The following FRMD4A variants were observed in gnomAD, a reference collection of about 807,000 sequenced individuals.
FRMD4A encodes FERM domain containing 4A.
Under a neutral mutation model 129.1 loss-of-function variants are expected in FRMD4A, and 29 were observed. The ratio of observed to expected loss-of-function variants is 0.22; its 90% confidence interval spans 0.17 to 0.31. The LOEUF is 0.31. Among genes scored for constraint, FRMD4A ranks in the 10% least tolerant of loss-of-function variants. FRMD4A has a pLI of 1.00. For missense variants in FRMD4A, 1,272 were observed against 1,375.8 expected (o/e 0.92, Z 1.19); for synonymous variants, 634 against 571.6 (o/e 1.11, Z -1.56).
At chr10:13,812,573 G>A (rs1260150486) in intron 3 of FRMD4A, among the ~76,000 whole-genome samples, 1 of 152,224 alleles carries the variant, frequency 6.6e-6, no homozygotes, top group African/African-American at 2.4e-5. Context: ...CAGGCCCATA[G>A]GGACCTTAGA....
At chr10:13,967,718 T>C (rs1003309494) in intron 2 of FRMD4A, among the ~76,000 whole-genome samples, 5 of 152,196 alleles carry the variant, frequency 3.3e-5, no homozygotes, top group South Asian at 2.1e-4. Context: ...CTGTCATTAG[T>C]TCCTGCTAAT....
At chr10:14,167,538 C>CAAAAAAA (rs59290414) in intron 2 of FRMD4A, among the ~76,000 whole-genome samples, 2 of 57,580 alleles carry the variant, frequency 3.5e-5, no homozygotes, top group African/African-American at 7.5e-5. Flanking sequence ...CTCCGTCTCT[C>CAAAAAAA]AAAAAAAAAA....
rs1565204509 is a variant in FRMD4A, at chr10:14,039,395, C to CTATCT, written c.46-180484_46-180483insAGATA. Reference sequence around the variant, plus strand: ...CCATCCATCCATCCATCCATCCATCCATCCATCCATCCATCTATCTATCTA... The same window carrying CTATCT: ...CCATCCATCCATCCATCCATCCATCCTATCTATCCATCCATCCATCTATCTATCTA... On this transcript the variant is annotated intron_variant, in intron 2 of 24. Transcript: ENST00000357447. Among the ~76,000 whole-genome samples the CTATCT allele has an allele frequency of 6.0e-4, 84 of 140,890 alleles. No individual in the cohort carries two copies. The East Asian group carries it at 9.3e-3, about 16-fold the overall frequency. 92.4% of individuals were successfully genotyped at this position (140,890 alleles called of 152,430 possible).
chr10:13,911,881 A>G (rs2094944798), intron 2 of FRMD4A, among the ~76,000 whole-genome samples: 1 of 152,150 alleles, frequency 6.6e-6, no homozygotes, highest in African/African-American at 2.4e-5. Context: ...CTCTTTAGTG[A>G]TTCTGCTGGA....
chr10:14,098,373 A>G (rs1413130460), intron 2 of FRMD4A, among the ~76,000 whole-genome samples: 1 of 151,006 alleles, frequency 6.6e-6, no homozygotes, highest in Non-Finnish European at 1.5e-5. Flanking sequence ...TAAAGGAAAT[A>G]CTTCTGAATA....
At chr10:14,035,320 G>A (rs1833445780) in intron 2 of FRMD4A, among the ~76,000 whole-genome samples, 2 of 151,784 alleles carry the variant, frequency 1.3e-5, no homozygotes, top group African/African-American at 2.4e-5. Context: ...GCTGAGGCGG[G>A]AGGACTGCAT....
intron 2 of FRMD4A, chr10:14,326,944 T>C: frequency 2.5e-6 from 1 of 398,674 alleles, no homozygotes; most frequent in East Asian, 3.6e-5. Context: ...GTGTCTTCTC[T>C]CCAAGTCCCC....
intron 2 of FRMD4A, among the ~76,000 whole-genome samples, chr10:14,066,675 A>G (rs1297557332): frequency 2.0e-5 from 3 of 152,330 alleles, no homozygotes; most frequent in East Asian, 1.9e-4. Context: ...CCAAAGGACT[A>G]AGAAGGTCAA....
chr10:14,074,261 T>G (rs1290758049), intron 2 of FRMD4A: 2 of 152,178 alleles, frequency 1.3e-5, no homozygotes, highest in Admixed American at 6.6e-5. Context: ...GGGAGGGGGA[T>G]GTATGCTCCA....
intron 2 of FRMD4A, among the ~76,000 whole-genome samples, chr10:13,912,987 C>A (rs1364686606): frequency 4.0e-5 from 6 of 151,382 alleles, no homozygotes; most frequent in Non-Finnish European, 8.8e-5. Context: ...GCAGGAGAAC[C>A]TCTTGAACTC....
At chr10:13,648,446 C>T (rs1401156861) in intron 24 of FRMD4A, among the ~76,000 whole-genome samples, 3 of 152,164 alleles carry the variant, frequency 2.0e-5, no homozygotes, top group African/African-American at 4.8e-5. Context: ...CCTAACTCCA[C>T]GTGGTCCTGG....
chr10:13,960,187 T>G (rs1366491187), intron 2 of FRMD4A, among the ~76,000 whole-genome samples: 2 of 152,220 alleles, frequency 1.3e-5, no homozygotes, highest in Non-Finnish European at 2.9e-5. Context: ...CCTGGAATCT[T>G]TGGCGGCAGC....
intron 2 of FRMD4A, among the ~76,000 whole-genome samples, chr10:14,104,853 G>A (rs1043429106): frequency 4.6e-5 from 7 of 152,236 alleles, no homozygotes; most frequent in Admixed American, 2.6e-4. Flanking sequence ...TAACAGAGCA[G>A]CTGCCTTTGA....
intron 2 of FRMD4A, among the ~76,000 whole-genome samples, chr10:13,893,117 A>C (rs1347909099): frequency 1.3e-5 from 2 of 151,674 alleles, no homozygotes; most frequent in Non-Finnish European, 2.9e-5. Context: ...GCTCACTGTA[A>C]CCTCCCCGTC....
chr10:13,903,191 A>AACC (rs1430244313), intron 2 of FRMD4A, among the ~76,000 whole-genome samples: 2 of 151,938 alleles, frequency 1.3e-5, no homozygotes, highest in Admixed American at 1.3e-4. Context: ...GATCTTTTCT[A>AACC]ACCACCTTTC....
chr10:13,824,288 C>T (rs1217537390), intron 3 of FRMD4A, among the ~76,000 whole-genome samples: 2 of 126,672 alleles, frequency 1.6e-5, no homozygotes, highest in African/African-American at 3.0e-5. Flanking sequence ...CCAGCCTGGC[C>T]AACATGGTGA....
chr10:13,858,295 A>C (rs913135661), intron 3 of FRMD4A, among the ~76,000 whole-genome samples: 10 of 152,036 alleles, frequency 6.6e-5, no homozygotes, highest in African/African-American at 2.2e-4. Flanking sequence ...ATTAGCCAGG[A>C]ATGGTGGCAC....
At chr10:14,156,433 C>T (rs903147333) in intron 2 of FRMD4A, among the ~76,000 whole-genome samples, 4 of 152,194 alleles carry the variant, frequency 2.6e-5, no homozygotes, top group African/African-American at 9.7e-5. Flanking sequence ...GATATCATCT[C>T]TTGAGAGCAC....
intron 3 of FRMD4A, among the ~76,000 whole-genome samples, chr10:13,833,434 A>G (rs1337044110): frequency 2.0e-5 from 3 of 152,154 alleles, no homozygotes; most frequent in Non-Finnish European, 4.4e-5. Context: ...ACACATGGGA[A>G]TTATTACAAT....
Sources: allele counts gnomAD v4.1 joint callset (sites outside exome capture counted in the v4.1 genomes callset), GRCh38; gene constraint gnomAD v4.1.1; transcripts MANE v1.5; gene names NCBI Gene and HGNC (gene_info 2026-07-23, HGNC 2026-07-21).